The following TSHZ2 variants were observed in gnomAD, a reference collection of about 807,000 sequenced individuals.
TSHZ2 encodes teashirt zinc finger homeobox 2, also known as teashirt homolog 2.
In TSHZ2, 21 loss-of-function variants were observed where a neutral mutation model predicts 74.4. The observed-to-expected ratio is 0.28, with a 90% CI of 0.20 to 0.41. The LOEUF (loss-of-function observed/expected upper bound fraction) is 0.41. TSHZ2 is among the 10% of genes least tolerant of loss of function. The pLI is 1.00. For missense variants in TSHZ2, 1,244 were observed against 1,293.5 expected (o/e 0.96, Z 0.59); for synonymous variants, 540 against 515.3 (o/e 1.05, Z -0.65).
chr20:53,357,100 G>A (rs970155554), intron 2 of TSHZ2, among the ~76,000 whole-genome samples: 3 of 151,988 alleles, frequency 2.0e-5, no homozygotes, highest in Admixed American at 1.3e-4. Flanking sequence ...AATGAATTTG[G>A]TCAAATATAT....
chr20:53,071,933 G>T (rs975040596), intron 1 of TSHZ2, among the ~76,000 whole-genome samples: 10 of 152,138 alleles, frequency 6.6e-5, no homozygotes, highest in Admixed American at 2.0e-4. Flanking sequence ...ACCCAGGCCG[G>T]CATTTTGCAA....
At chr20:53,130,758 A>AC (rs1267966773) in intron 1 of TSHZ2, among the ~76,000 whole-genome samples, 1 of 152,240 alleles carries the variant, frequency 6.6e-6, no homozygotes, top group African/African-American at 2.4e-5. Context: ...CTGGGTTCAG[A>AC]CCCAGGCCCT....
intron 1 of TSHZ2, among the ~76,000 whole-genome samples, chr20:53,162,954 T>G (rs985574646): frequency 6.6e-6 from 1 of 152,216 alleles, no homozygotes; most frequent in Non-Finnish European, 1.5e-5. Context: ...ATTGAGTGTT[T>G]CCATCATAAT....
chr20:53,130,227 A>T (rs548526848), intron 1 of TSHZ2, among the ~76,000 whole-genome samples: 1 of 80,966 alleles, frequency 1.2e-5, no homozygotes, highest in African/African-American at 3.8e-5. Context: ...CACAGCTAAA[A>T]TTTAAAAAAA....
chr20:53,418,059 T>C (rs115469140), intron 2 of TSHZ2, among the ~76,000 whole-genome samples: 2 of 152,210 alleles, frequency 1.3e-5, no homozygotes, highest in Non-Finnish European at 2.9e-5. Context: ...AGAGTGGCTG[T>C]GGCTGAGGTT....
chr20:53,039,503 A>G (rs1185357195), intron 1 of TSHZ2, among the ~76,000 whole-genome samples: 1 of 152,222 alleles, frequency 6.6e-6, no homozygotes, highest in Non-Finnish European at 1.5e-5. Context: ...TGCTCTAGGC[A>G]CTGGGGATAC....
chr20:53,269,880 G>A (rs559386739), intron 2 of TSHZ2, among the ~76,000 whole-genome samples: 2 of 152,028 alleles, frequency 1.3e-5, no homozygotes, highest in South Asian at 4.2e-4. Flanking sequence ...TCACCACATA[G>A]GTTAATTATA....
At chr20:53,307,305 G>C (rs1306052608) in intron 2 of TSHZ2, among the ~76,000 whole-genome samples, 4 of 152,040 alleles carry the variant, frequency 2.6e-5, no homozygotes, top group Non-Finnish European at 1.5e-5. Flanking sequence ...GTACAAAAGA[G>C]CTGACCCAAA....
At chr20:53,420,422 C>A (rs920172159) in intron 2 of TSHZ2, among the ~76,000 whole-genome samples, 5 of 152,118 alleles carry the variant, frequency 3.3e-5, no homozygotes, top group African/African-American at 4.8e-5. Context: ...ACACCAAGCT[C>A]ATAAGACATT....
intron 1 of TSHZ2, among the ~76,000 whole-genome samples, chr20:53,075,549 A>G (rs1985339946): frequency 6.6e-6 from 1 of 152,222 alleles, no homozygotes; most frequent in South Asian, 2.1e-4. Context: ...CTTGGCAAAC[A>G]CAGAGAGGGG....
intron 2 of TSHZ2, among the ~76,000 whole-genome samples, chr20:53,416,699 A>G (rs1227212645): frequency 6.6e-6 from 1 of 152,256 alleles, no homozygotes; most frequent in Non-Finnish European, 1.5e-5. Context: ...ATGATCTCCC[A>G]TCATGCTGAG....
intron 2 of TSHZ2, among the ~76,000 whole-genome samples, chr20:53,391,981 C>T (rs192031116): frequency 6.6e-6 from 1 of 152,210 alleles, no homozygotes; most frequent in East Asian, 1.9e-4. Context: ...AATTTTACAT[C>T]TCTGAATCTA....
chr20:53,038,410 T>C (rs1983906658), intron 1 of TSHZ2, among the ~76,000 whole-genome samples: 1 of 152,014 alleles, frequency 6.6e-6, no homozygotes, highest in Non-Finnish European at 1.5e-5. Context: ...AGGGTTGCTG[T>C]TTACGGCCTG....
intron 1 of TSHZ2, among the ~76,000 whole-genome samples, chr20:52,996,064 A>G (rs1982174985): frequency 2.0e-5 from 3 of 152,338 alleles, no homozygotes; most frequent in African/African-American, 7.2e-5. Flanking sequence ...TGTAGACAAC[A>G]GTATGTTGAA....
chr20:52,973,880 A>T lies in TSHZ2; in HGVS notation c.40+547A>T, dbSNP rs945801289. ...CCCCAGGAAATGGATGACTCTTTGC[A>T]TATATTTTCTAAAAGGATCCATATT... On this transcript the variant is annotated intron_variant, in intron 1 of 2. Transcript: ENST00000371497. Among the ~76,000 whole-genome samples, 118 of 152,308 alleles carry T rather than the reference A, an allele frequency of 7.7e-4. 1 individual carries two copies. Among genetic ancestry groups the T allele is most frequent in the African/African-American group, 2.8e-3 (115 of 41,568 alleles).
In TSHZ2 at chr20:53,255,878, C is replaced by A. The variant is rs1364823257; in HGVS notation, c.2420C>A (p.Thr807Asn). 6.2e-7 allele frequency: 1 copy of A among 1,613,222 alleles called. No homozygotes were observed. Among genetic ancestry groups the A allele is most frequent in the Admixed American group, 1.7e-5 (1 of 59,936 alleles). The change falls in exon 2 of 3, where the codon ACC becomes AAC. Residue 807 changes from threonine (T) to asparagine (N), a missense_variant. Thr to Asn is a moderately conservative substitution (Grantham distance 65). Coordinates refer to ENST00000371497, the MANE Select transcript of TSHZ2 (RefSeq NM_173485.6). This position sits in a 1 kb window ranked among gnomAD's most constrained non-coding sequence, Gnocchi z 4.1. ...GTCAAAGTCCTCCCCAAAGCCACCA[C>A]CCCAAAGCCAGCCTCCTCCTCCAGG... is the stretch of plus-strand genomic sequence containing the variant. Reference protein sequence around the residue: ...DMVKVLPKATTPKPASSSRVP... With the variant: ...DMVKVLPKATNPKPASSSRVP...
chr20:53,032,285 A>C (rs1338553399), intron 1 of TSHZ2, among the ~76,000 whole-genome samples: 1 of 152,236 alleles, frequency 6.6e-6, no homozygotes, highest in East Asian at 1.9e-4. Context: ...CCAGTCATGC[A>C]GGACGATTAC....
At chr20:53,224,955 T>G (rs142115696) in intron 1 of TSHZ2, among the ~76,000 whole-genome samples, 1 of 152,346 alleles carries the variant, frequency 6.6e-6, no homozygotes, top group East Asian at 1.9e-4. Context: ...CTGTAATTGC[T>G]TAAATCAGAG....
At chr20:53,015,433 A>C (rs1246754519) in intron 1 of TSHZ2, among the ~76,000 whole-genome samples, 1 of 152,128 alleles carries the variant, frequency 6.6e-6, no homozygotes, top group Non-Finnish European at 1.5e-5. Flanking sequence ...CAAACGTTCT[A>C]CAATACACAG....
Sources: gnomAD v4.1 joint callset for allele counts (sites outside exome capture counted in the v4.1 genomes callset) on GRCh38, gnomAD v4.1.1 for gene constraint, Gnocchi (gnomAD v3.1) non-coding constraint, MANE v1.5 for transcripts, NCBI Gene and HGNC (gene_info 2026-07-23, HGNC 2026-07-21) for gene names.